The following MIPOL1 variants were observed in gnomAD, a reference collection of about 807,000 sequenced individuals.
MIPOL1 encodes mirror-image polydactyly 1.
Under a neutral mutation model 60.9 loss-of-function variants are expected in MIPOL1, and 57 were observed. That is an observed-to-expected ratio of 0.94 (90% CI 0.76 to 1.17). The LOEUF is 1.17. Ranked by LOEUF, MIPOL1 falls within the 50% of genes most tolerant of loss-of-function variation. MIPOL1 has a pLI of 0.00. For missense variants in MIPOL1, 551 were observed against 511.6 expected (o/e 1.08, Z -0.74); for synonymous variants, 179 against 168.8 (o/e 1.06, Z -0.47).
chr14:37,241,024 C>T (rs966175606), intron 1 of MIPOL1, among the ~76,000 whole-genome samples: 10 of 152,034 alleles, frequency 6.6e-5, no homozygotes, highest in Admixed American at 4.6e-4. Flanking sequence ...GTCCCAAGAT[C>T]TGCAGTCAGA....
chr14:37,418,567 T>C, intron 10 of MIPOL1, among the ~76,000 whole-genome samples: 1 of 152,170 alleles, frequency 6.6e-6, no homozygotes, highest in East Asian at 1.9e-4. Context: ...AATTATGTAA[T>C]TTATATATAA....
chr14:37,548,358 T>A lies in MIPOL1; in HGVS notation c.*1387T>A, dbSNP rs1324344610. On this transcript the variant is annotated 3_prime_UTR_variant, in exon 13 of 13. Coordinates refer to ENST00000684589, the MANE Select transcript of MIPOL1 (RefSeq NM_001388067.1). ...GTCATAGATCACAAAAGAATCATAA[T>A]GCTAACAAACTCTATTTCTTCCTTA... is the stretch of plus-strand genomic sequence containing the variant. 1.2e-4 allele frequency: 18 copies of A among 152,006 alleles called. No homozygotes were observed. The highest frequency in any genetic ancestry group is 2.5e-4 in the Non-Finnish European group (17 of 67,882). The allele number at this position is 152,006 out of a possible 1,614,324, so 9.4% of individuals were successfully genotyped here.
intron 12 of MIPOL1, among the ~76,000 whole-genome samples, 197 bp downstream of exon 12, chr14:37,500,335 T>C (rs1337750490): frequency 6.6e-6 from 1 of 152,182 alleles, no homozygotes; most frequent in African/African-American, 2.4e-5. Flanking sequence ...TTGGGAACCA[T>C]TGTTACCCTG....
At chr14:37,501,069 G>C (rs1373928068) in intron 12 of MIPOL1, among the ~76,000 whole-genome samples, 1 of 152,078 alleles carries the variant, frequency 6.6e-6, no homozygotes, top group Non-Finnish European at 1.5e-5. Context: ...GTTATATTTT[G>C]ATTAATAGCC....
At chr14:37,402,272 G>A (rs528842337) in intron 10 of MIPOL1, among the ~76,000 whole-genome samples, 8 of 152,154 alleles carry the variant, frequency 5.3e-5, no homozygotes, top group Middle Eastern at 3.4e-3. Context: ...GAAAGCTTAC[G>A]TACTACAGTC....
intron 11 of MIPOL1, among the ~76,000 whole-genome samples, chr14:37,437,453 G>T (rs545456050): frequency 6.6e-6 from 1 of 152,164 alleles, no homozygotes; most frequent in South Asian, 2.1e-4. Flanking sequence ...TGAAAATTGA[G>T]ATTTTGTCCT....
chr14:37,294,716 A>T lies in MIPOL1; in HGVS notation c.623+9269A>T, dbSNP rs2085453713. 1.3e-5 allele frequency among the ~76,000 whole-genome samples: 2 copies of T among 152,212 alleles called. 1 individual carries two copies. The highest frequency in any genetic ancestry group is 4.1e-4 in the South Asian group (2 of 4,838). ...TGGAAGAAAGGGTATCAGTGATGGA[A>T]GATGAAATGAGTGAAATGAAGTGTG... On this transcript the variant is annotated intron_variant, in intron 7 of 12. Coordinates refer to ENST00000684589, the MANE Select transcript of MIPOL1 (RefSeq NM_001388067.1).
intron 11 of MIPOL1, among the ~76,000 whole-genome samples, chr14:37,486,721 T>A (rs897546710): frequency 3.3e-5 from 5 of 152,086 alleles, no homozygotes; most frequent in East Asian, 3.9e-4. Context: ...CTTAAGGAGG[T>A]TTTGGGCTGA....
intron 1 of MIPOL1, among the ~76,000 whole-genome samples, chr14:37,220,870 G>A (rs1567038945): frequency 6.6e-6 from 1 of 152,090 alleles, no homozygotes; most frequent in Admixed American, 6.6e-5. Flanking sequence ...CGAACTCCTT[G>A]TCTGAAGCAA....
At chr14:37,472,450 A>C (rs188571535) in intron 11 of MIPOL1, among the ~76,000 whole-genome samples, 1 of 151,962 alleles carries the variant, frequency 6.6e-6, no homozygotes, top group Non-Finnish European at 1.5e-5. Flanking sequence ...AACTAGTGAG[A>C]GTGTGCAGAG....
At chr14:37,299,612 A>G (rs1053499559) in intron 7 of MIPOL1, among the ~76,000 whole-genome samples, 1 of 152,072 alleles carries the variant, frequency 6.6e-6, no homozygotes, top group Non-Finnish European at 1.5e-5. Context: ...GATATTTTTT[A>G]AAAAGTGTAG....
rs774762730 is a variant in MIPOL1 at position 37,285,440 on chromosome 14, C to T, written c.616C>T (p.Leu206=). 5.2e-5 allele frequency: 84 copies of T among 1,613,656 alleles called. No individual in the cohort carries two copies. Among genetic ancestry groups the T allele is most frequent in the Non-Finnish European group, 7.0e-5 (83 of 1,179,924 alleles). The change falls in exon 7 of 13, where the codon CTA becomes TTA. Residue 206 remains leucine, a synonymous_variant. Coordinates refer to ENST00000684589, the MANE Select transcript of MIPOL1 (RefSeq NM_001388067.1). ...ACGAGCCAAGCATATGGAAATGTCT[C>T]TAAAAGTGTATGTACACATTTAAAA... ...IARAKHMEMS[L]KVLENINPEE...
At chr14:37,214,060 C>T (rs1400480949) in intron 1 of MIPOL1, among the ~76,000 whole-genome samples, 1 of 152,152 alleles carries the variant, frequency 6.6e-6, no homozygotes, top group African/African-American at 2.4e-5. Context: ...CAGACCTGTT[C>T]TACTAGAAGT....
chr14:37,211,426 A>G (rs1441384759), intron 1 of MIPOL1, among the ~76,000 whole-genome samples: 1 of 152,034 alleles, frequency 6.6e-6, no homozygotes, highest in Non-Finnish European at 1.5e-5. Flanking sequence ...AAACACAACA[A>G]TTGTGAAACA....
At chr14:37,474,154 A>G (rs1252246789) in intron 11 of MIPOL1, among the ~76,000 whole-genome samples, 1 of 152,200 alleles carries the variant, frequency 6.6e-6, no homozygotes, top group African/African-American at 2.4e-5. Context: ...TAGTTTGTTT[A>G]TATATTCACC....
intron 9 of MIPOL1, among the ~76,000 whole-genome samples, chr14:37,358,418 T>C (rs886537758): frequency 7.9e-5 from 12 of 152,208 alleles, no homozygotes; most frequent in African/African-American, 2.9e-4. Flanking sequence ...TGCCACACTG[T>C]CTTCCACAAT....
At chr14:37,541,010 C>T (rs1376048396) in intron 12 of MIPOL1, among the ~76,000 whole-genome samples, 1 of 152,154 alleles carries the variant, frequency 6.6e-6, no homozygotes, top group East Asian at 1.9e-4. Flanking sequence ...GTGTCTTCCC[C>T]TCTACTCCAG....
Position 37,285,411 on chromosome 14 carries a change from T to C in MIPOL1, c.587T>C (p.Ile196Thr). The change falls in exon 7 of 13, where the codon ATT becomes ACT. Residue 196 changes from isoleucine (I) to threonine (T), a missense_variant. Transcript: ENST00000684589. Reference sequence around the variant, plus strand: ...GCCATTGAGGAGAGAGATGAAGCAATTGCACGAGCCAAGCATATGGAAATG... The same window carrying C: ...GCCATTGAGGAGAGAGATGAAGCAACTGCACGAGCCAAGCATATGGAAATG... ...QLAIEERDEA[I>T]ARAKHMEMSL... 5 of 1,613,982 alleles carry C rather than the reference T, an allele frequency of 3.1e-6. No individual in the cohort carries two copies. Among genetic ancestry groups the C allele is most frequent in the East Asian group, 2.2e-5 (1 of 44,846 alleles).
At chr14:37,504,543 G>GT (rs2095256781) in intron 12 of MIPOL1, 1 of 152,250 alleles carries the variant, frequency 6.6e-6, no homozygotes, top group South Asian at 2.1e-4. Flanking sequence ...AAATAAAGAT[G>GT]TTCTTTGAAA....
Sources: allele counts gnomAD v4.1 joint callset (sites outside exome capture counted in the v4.1 genomes callset), GRCh38; gene constraint gnomAD v4.1.1; transcripts MANE v1.5; gene names NCBI Gene and HGNC (gene_info 2026-07-23, HGNC 2026-07-21).